Variants in KIF6 observed in about 807,000 individuals in gnomAD.
KIF6 encodes kinesin-like protein KIF6.
A neutral mutation model predicts 112.7 loss-of-function variants in KIF6; 106 were observed. The ratio of observed to expected loss-of-function variants is 0.94; its 90% CI spans 0.80 to 1.11. The LOEUF (loss-of-function observed/expected upper bound fraction) is 1.11, where lower values mean the gene tolerates loss of function less well. KIF6 is among the 50% of genes least tolerant of loss of function. The probability of loss-of-function intolerance (pLI) is 0.00; values close to 1 mark genes in which losing one functional copy is unlikely to be tolerated. For missense variants in KIF6, 929 were observed against 964.0 expected, an observed-to-expected ratio of 0.96 and a Z score of 0.48; for synonymous variants, 339 against 339.9, an observed-to-expected ratio of 1.00 and a Z score of 0.03.
chr6:39,358,282 G>A (rs1764866283), intron 18 of KIF6, among the ~76,000 whole-genome samples: 1 of 152,230 alleles, frequency 6.6e-6, no homozygotes, highest in African/African-American at 2.4e-5. Flanking sequence ...GAAGTTTCTT[G>A]TCACCTCTCT....
intron 7 of KIF6, among the ~76,000 whole-genome samples, chr6:39,592,910 G>A (rs1015638302): frequency 6.6e-6 from 1 of 152,140 alleles, no homozygotes; most frequent in Non-Finnish European, 1.5e-5. Context: ...GGAATTTGTG[G>A]AACCAATGTA....
At chr6:39,719,432 T>C (rs1790077692) in intron 2 of KIF6, among the ~76,000 whole-genome samples, 2 of 152,200 alleles carry the variant, frequency 1.3e-5, no homozygotes, top group African/African-American at 4.8e-5. Flanking sequence ...AACAGGGCCT[T>C]TGTAAAACAG....
intron 15 of KIF6, among the ~76,000 whole-genome samples, chr6:39,402,524 A>G (rs1309834223): frequency 6.6e-6 from 1 of 152,240 alleles, no homozygotes; most frequent in Non-Finnish European, 1.5e-5. Context: ...CCTGAGGCAC[A>G]TTTAAGAAAC....
intron 2 of KIF6, among the ~76,000 whole-genome samples, chr6:39,717,498 C>G (rs1431338971): frequency 6.6e-6 from 1 of 152,176 alleles, no homozygotes; most frequent in African/African-American, 2.4e-5. Context: ...CCTTCCCTGA[C>G]CTATTAAATG....
At chr6:39,714,582 G>A in intron 3 of KIF6, 110 bp downstream of exon 3, 1 of 694,380 alleles carries the variant, frequency 1.4e-6, no homozygotes, top group Non-Finnish European at 2.6e-6. Flanking sequence ...TACATGTCCT[G>A]CAGCCTAAGT....
chr6:39,588,993 G>C lies in KIF6; in HGVS notation c.847-2589C>G, dbSNP rs1420686812. Among the ~76,000 whole-genome samples, 4 of 152,262 alleles carry C rather than the reference G, an allele frequency of 2.6e-5. No individual in the cohort carries two copies. The East Asian group carries it at 7.7e-4, about 29-fold the overall frequency. ...CACACAATCTAAGTTATGCCAAGTTGCTCCCTAATACACTTAGCATAATAT... is the reference window on the plus strand; with the variant it reads ...CACACAATCTAAGTTATGCCAAGTTCCTCCCTAATACACTTAGCATAATAT... On this transcript the variant is annotated intron_variant, in intron 7 of 22. Transcript: ENST00000287152.
intron 13 of KIF6, among the ~76,000 whole-genome samples, chr6:39,444,644 T>C (rs1772189299): frequency 6.6e-6 from 1 of 152,086 alleles, no homozygotes. Flanking sequence ...ACCTCCTCAT[T>C]TCCCCGAACT....
At chr6:39,390,147 C>T (rs1767760494) in intron 15 of KIF6, among the ~76,000 whole-genome samples, 1 of 151,920 alleles carries the variant, frequency 6.6e-6, no homozygotes, top group Admixed American at 6.6e-5. Flanking sequence ...TCTCTAACCT[C>T]AATGTTATCA....
At chr6:39,582,695 G>A (rs1007468043) in intron 9 of KIF6, among the ~76,000 whole-genome samples, 8 of 152,064 alleles carry the variant, frequency 5.3e-5, no homozygotes, top group Non-Finnish European at 8.8e-5. Context: ...GATTACAGGC[G>A]TGAGCCACCG....
At chr6:39,357,416 T>G (rs1185488688) in intron 18 of KIF6, 42 bp from the exon 19 acceptor site, 1 of 1,153,380 alleles carries the variant, frequency 8.7e-7, no homozygotes, top group Admixed American at 1.9e-5. Context: ...AGCTTGAATC[T>G]AATGACATAG....
At chr6:39,392,518 C>A (rs1203729037) in intron 15 of KIF6, among the ~76,000 whole-genome samples, 1 of 152,132 alleles carries the variant, frequency 6.6e-6, no homozygotes, top group Non-Finnish European at 1.5e-5. Context: ...TGAAGGGATA[C>A]ATTTTCTTTA....
At chr6:39,594,070 T>G (rs1185670887) in intron 7 of KIF6, among the ~76,000 whole-genome samples, 2 of 152,158 alleles carry the variant, frequency 1.3e-5, no homozygotes, top group African/African-American at 4.8e-5. Flanking sequence ...GATAAATAAC[T>G]TAATGATATA....
At chr6:39,359,932 A>T (rs6899653) in intron 18 of KIF6, among the ~76,000 whole-genome samples, 1 of 152,036 alleles carries the variant, frequency 6.6e-6, no homozygotes, top group Admixed American at 6.5e-5. Flanking sequence ...ATGCATAGAA[A>T]TCAAGGTAAA....
At position 39,336,405 on chromosome 6, in the gene KIF6, A is replaced by C; in HGVS notation, c.*127T>G. The stretch of plus-strand genomic sequence containing the variant: ...AAGAAACACAGTCCCCTCCATGGGA[A>C]TCAAAGTCACTAGTTGCTCCCAGCA... On this transcript the variant is annotated 3_prime_UTR_variant, in exon 23 of 23. Coordinates refer to ENST00000287152, the MANE Select transcript of KIF6 (RefSeq NM_145027.6). The C allele has an allele frequency of 3.4e-6, 3 of 879,448 alleles. No individual in the cohort carries two copies. Among genetic ancestry groups the C allele is most frequent in the Non-Finnish European group, 1.9e-6 (1 of 534,122 alleles). The allele number at this position is 879,448 out of a possible 1,614,324, so 54.5% of individuals were successfully genotyped here.
intron 13 of KIF6, among the ~76,000 whole-genome samples, chr6:39,452,286 G>T (rs1422293471): frequency 1.3e-5 from 2 of 152,198 alleles, no homozygotes; most frequent in Non-Finnish European, 2.9e-5. Context: ...AATTGGATTT[G>T]CTTAAAAACT....
chr6:39,662,771 T>G (rs1786237655), intron 3 of KIF6, among the ~76,000 whole-genome samples: 1 of 152,182 alleles, frequency 6.6e-6, no homozygotes, highest in African/African-American at 2.4e-5. Context: ...AAGCAAGGTG[T>G]TTCTCTGCCT....
intron 13 of KIF6, among the ~76,000 whole-genome samples, chr6:39,515,505 C>T (rs1777029008): frequency 6.6e-6 from 1 of 152,206 alleles, no homozygotes; most frequent in Non-Finnish European, 1.5e-5. Context: ...GACCACAACT[C>T]TTTTCCATTT....
rs558118868 is a variant in KIF6, at chr6:39,543,653, C to T, written c.1426+902G>A. Among the ~76,000 whole-genome samples, 457 of 152,304 alleles carry T rather than the reference C, an allele frequency of 3.0e-3. 1 individual carries two copies. The highest frequency in any genetic ancestry group is 5.0e-3 in the Non-Finnish European group (342 of 68,016). ...AACAAAAATATCTGTTTATAAAGAA[C>T]TGACCGAAAGGATTTCTTGTGCATG... On this transcript the variant is annotated intron_variant, in intron 12 of 22. Coordinates refer to ENST00000287152, the MANE Select transcript of KIF6 (RefSeq NM_145027.6).
At chr6:39,346,049 G>GCTCGCTCTCTCTCT (rs1554196850) in intron 20 of KIF6, among the ~76,000 whole-genome samples, 2 of 28,994 alleles carry the variant, frequency 6.9e-5, no homozygotes, top group African/African-American at 1.3e-4. Flanking sequence ...AAACTACAGT[G>GCTCGCTCTCTCTCT]CTCTCTCTCT....
Sources: gnomAD v4.1 joint callset for allele counts (sites outside exome capture counted in the v4.1 genomes callset) on GRCh38, gnomAD v4.1.1 for gene constraint, MANE v1.5 for transcripts, NCBI Gene and HGNC (gene_info 2026-07-23, HGNC 2026-07-21) for gene names.